The following GALNT10 variants were observed in gnomAD, a reference collection of about 807,000 sequenced individuals.
GALNT10 encodes GalNAc transferase 10.
A neutral mutation model predicts 75.0 loss-of-function variants in GALNT10; 41 were observed. The observed-to-expected ratio is 0.55, with a 90% CI of 0.43 to 0.71. The LOEUF (loss-of-function observed/expected upper bound fraction) is 0.71, where lower values mean the gene tolerates loss of function less well. GALNT10 is among the 30% of genes least tolerant of loss of function. GALNT10 has a pLI of 0.00. For missense variants in GALNT10, 727 were observed against 818.5 expected (o/e 0.89, Z 1.36); for synonymous variants, 302 against 313.0 (o/e 0.96, Z 0.37).
At chr5:154,403,328 C>T (rs542604222) in intron 7 of GALNT10, among the ~76,000 whole-genome samples, 18 of 152,262 alleles carry the variant, frequency 1.2e-4, no homozygotes, top group Admixed American at 4.6e-4. Flanking sequence ...ATTGGCTGTA[C>T]ATGTTCACAT....
intron 3 of GALNT10, among the ~76,000 whole-genome samples, chr5:154,309,127 A>T (rs1200330980): frequency 1.3e-5 from 2 of 152,238 alleles, no homozygotes; most frequent in Non-Finnish European, 2.9e-5. Context: ...GTGCTGTCAG[A>T]TAAGATGGCA....
intron 1 of GALNT10, among the ~76,000 whole-genome samples, chr5:154,248,970 A>G (rs1284538635): frequency 6.6e-6 from 1 of 152,258 alleles, no homozygotes; most frequent in African/African-American, 2.4e-5. Flanking sequence ...TGGAGATACT[A>G]GAAATGGCTA....
intron 1 of GALNT10, among the ~76,000 whole-genome samples, chr5:154,238,312 C>G (rs999797312): frequency 1.3e-5 from 2 of 150,966 alleles, no homozygotes; most frequent in African/African-American, 4.9e-5. Flanking sequence ...AAAAAAAAAG[C>G]CTAGCTTATT....
At chr5:154,390,126 T>C (rs970223253) in intron 7 of GALNT10, among the ~76,000 whole-genome samples, 2 of 152,174 alleles carry the variant, frequency 1.3e-5, no homozygotes, top group Non-Finnish European at 2.9e-5. Flanking sequence ...AAAAACTTCG[T>C]GAAACAAAGT....
intron 3 of GALNT10, among the ~76,000 whole-genome samples, chr5:154,325,076 A>T (rs777022041): frequency 6.6e-6 from 1 of 152,206 alleles, no homozygotes; most frequent in African/African-American, 2.4e-5. Context: ...AATTATAAAA[A>T]CAAGATTAAG....
intron 1 of GALNT10, among the ~76,000 whole-genome samples, chr5:154,245,539 T>C (rs1385568555): frequency 6.7e-6 from 1 of 149,480 alleles, no homozygotes; most frequent in Non-Finnish European, 1.5e-5. Flanking sequence ...AGCTCTGGCT[T>C]TTTTTTTTTA....
At chr5:154,341,294 CT>C (rs1755029089) in intron 4 of GALNT10, among the ~76,000 whole-genome samples, 2 of 152,196 alleles carry the variant, frequency 1.3e-5, no homozygotes, top group South Asian at 4.1e-4. Context: ...TATCTGCTTA[CT>C]TTATAAATGC....
At chr5:154,238,952 G>A (rs142712837) in intron 1 of GALNT10, among the ~76,000 whole-genome samples, 2 of 152,270 alleles carry the variant, frequency 1.3e-5, no homozygotes, top group East Asian at 3.9e-4. Flanking sequence ...TTTCCTCCTT[G>A]TAGAACTGAG....
chr5:154,366,000 G>T (rs1755468833), intron 4 of GALNT10, among the ~76,000 whole-genome samples: 1 of 152,134 alleles, frequency 6.6e-6, no homozygotes. Context: ...GTCCAGGAAG[G>T]CATGTATATC....
intron 3 of GALNT10, among the ~76,000 whole-genome samples, chr5:154,310,188 GCAGTTTTTACCCTT>G (rs1301403149): frequency 5.3e-5 from 8 of 152,164 alleles, no homozygotes; most frequent in African/African-American, 1.9e-4. Context: ...GTACTTATTA[GCAGTTTTTACCCTT>G]TTTATCATGA....
At chr5:154,351,075 A>AGTAT (rs911611288) in intron 4 of GALNT10, among the ~76,000 whole-genome samples, 3 of 152,240 alleles carry the variant, frequency 2.0e-5, no homozygotes, top group Admixed American at 6.5e-5. Context: ...CCATTTTGTG[A>AGTAT]GTATGTATGT....
chr5:154,241,515 GGTTTGT>G (rs1753337450), intron 1 of GALNT10, among the ~76,000 whole-genome samples: 1 of 151,486 alleles, frequency 6.6e-6, no homozygotes, highest in Non-Finnish European at 1.5e-5. Context: ...ATAATAGAGA[GGTTTGT>G]GTTAACAAGG....
intron 1 of GALNT10, among the ~76,000 whole-genome samples, chr5:154,264,344 C>A (rs1467146050): frequency 6.7e-6 from 1 of 148,686 alleles, no homozygotes; most frequent in Non-Finnish European, 1.5e-5. Context: ...ATTTGGGGGA[C>A]AATGGGAAAC....
At chr5:154,276,523 A>T (rs1441449890) in intron 1 of GALNT10, among the ~76,000 whole-genome samples, 1 of 152,192 alleles carries the variant, frequency 6.6e-6, no homozygotes, top group South Asian at 2.1e-4. Flanking sequence ...GTGATATCTC[A>T]TCATATTCAC....
intron 1 of GALNT10, among the ~76,000 whole-genome samples, chr5:154,291,330 C>A (rs746817659): frequency 2.0e-5 from 3 of 152,168 alleles, no homozygotes; most frequent in Non-Finnish European, 4.4e-5. Flanking sequence ...GGTTGCCTAA[C>A]CCTTGCTACT....
chr5:154,204,737 G>C (rs1045384252), intron 1 of GALNT10, among the ~76,000 whole-genome samples: 1 of 152,168 alleles, frequency 6.6e-6, no homozygotes, highest in African/African-American at 2.4e-5. Flanking sequence ...GAGGGCTTCC[G>C]TGAACATACC....
chr5:154,235,825 C>T (rs564369911), intron 1 of GALNT10, among the ~76,000 whole-genome samples: 12 of 152,246 alleles, frequency 7.9e-5, no homozygotes, highest in East Asian at 3.9e-4. Context: ...GTAATCTCAC[C>T]GGTTGTCTTA....
At chr5:154,226,879 C>T (rs566718345) in intron 1 of GALNT10, among the ~76,000 whole-genome samples, 5 of 152,094 alleles carry the variant, frequency 3.3e-5, no homozygotes, top group Non-Finnish European at 5.9e-5. Flanking sequence ...AACCACTGCC[C>T]TCTATCACCA....
At chr5:154,381,220 G>A (rs1408335401) in intron 6 of GALNT10, among the ~76,000 whole-genome samples, 1 of 152,176 alleles carries the variant, frequency 6.6e-6, no homozygotes, top group Non-Finnish European at 1.5e-5. Context: ...CTAGGGGAGG[G>A]TGATGGGCTG....
Sources: allele counts gnomAD v4.1 joint callset (sites outside exome capture counted in the v4.1 genomes callset), GRCh38; gene constraint gnomAD v4.1.1; transcripts MANE v1.5; gene names NCBI Gene and HGNC (gene_info 2026-07-23, HGNC 2026-07-21).